C16orf96: variants seen among roughly 807,000 people sequenced by gnomAD.
The protein encoded by C16orf96 is uncharacterized protein C16orf96.
In C16orf96, 108 loss-of-function variants were observed where a neutral mutation model predicts 103.6. The ratio of observed to expected loss-of-function variants is 1.04; its 90% CI spans 0.89 to 1.22. The LOEUF is 1.22. C16orf96 is among the 50% of genes most tolerant of loss of function. The pLI is 0.00. For missense variants in C16orf96, 1,586 were observed against 1,464.2 expected (o/e 1.08, Z -1.36); for synonymous variants, 566 against 593.5 (o/e 0.95, Z 0.67).
Position 4,575,162 on chromosome 16 carries a change from C to A in C16orf96, c.694-12C>A, listed in dbSNP as rs554799912. 1.0e-5 allele frequency: 16 copies of A among 1,545,348 alleles called. No individual in the cohort carries two copies. The highest frequency in any genetic ancestry group is 9.8e-5 in the Admixed American group (5 of 50,954). The stretch of plus-strand genomic sequence containing the variant: ...GGAAGCCAGCAGAGCCCCTCTGCCC[C>A]CTCTTCTGCAGGAAATTGGTTCATC... On this transcript the variant is annotated splice_polypyrimidine_tract_variant and intron_variant, in intron 4 of 15. Transcript: ENST00000444310.
At chr16:4,571,162 A>G (rs1442370396) in intron 1 of C16orf96, among the ~76,000 whole-genome samples, 1 of 152,112 alleles carries the variant, frequency 6.6e-6, no homozygotes, top group Non-Finnish European at 1.5e-5. Flanking sequence ...CTCCAGCCTG[A>G]GCCACAGAGT....
In C16orf96 at chr16:4,598,043, G is replaced by T. The variant is rs1753059936; in HGVS notation, c.3128-1241G>T. 2.6e-5 allele frequency among the ~76,000 whole-genome samples: 4 copies of T among 151,858 alleles called. No homozygotes were observed. The South Asian group carries it at 8.3e-4, about 32-fold the overall frequency. On this transcript the variant is annotated intron_variant, in intron 14 of 15. Coordinates refer to ENST00000444310, the MANE Select transcript of C16orf96 (RefSeq NM_001145011.2). ...TTGTCACTCATTTATTTCCCCAAAA[G>T]AACTTTCTAACTCAAAACAGACTCA...
At chr16:4,540,719 T>C in the C16orf96 span, among the ~76,000 whole-genome samples, 1 of 150,430 alleles carries the variant, frequency 6.6e-6, no homozygotes, top group Non-Finnish European at 1.5e-5. Context: ...AGAGCAAAAC[T>C]CTCTCAAAAT....
At chr16:4,599,036 T>C (rs1897231928) in intron 14 of C16orf96, among the ~76,000 whole-genome samples, 1 of 151,846 alleles carries the variant, frequency 6.6e-6, no homozygotes, top group Admixed American at 6.6e-5. Flanking sequence ...GGAGGATTGC[T>C]TGAGCCCAGG....
At chr16:4,552,194 A>G (rs925287634), upstream of C16orf96, among the ~76,000 whole-genome samples, 2 of 152,054 alleles carry the variant, frequency 1.3e-5, no homozygotes, top group Non-Finnish European at 2.9e-5. Context: ...TATATCAATG[A>G]AAGTTGGCCG....
At chr16:4,545,368 A>G in the C16orf96 span, among the ~76,000 whole-genome samples, 7 of 152,126 alleles carry the variant, frequency 4.6e-5, no homozygotes, top group Admixed American at 4.6e-4. Flanking sequence ...AACCACAACC[A>G]GCTATATATA....
At chr16:4,582,742 CA>C (rs1332627274) in intron 7 of C16orf96, among the ~76,000 whole-genome samples, 2 of 152,280 alleles carry the variant, frequency 1.3e-5, no homozygotes, top group African/African-American at 4.8e-5. Flanking sequence ...CAGTTCCATT[CA>C]GCATGTCCAT....
At chr16:4,591,616 G>T in intron 9 of C16orf96, 50 bp from the exon 10 acceptor site, 2 of 1,427,590 alleles carry the variant, frequency 1.4e-6, no homozygotes, top group Non-Finnish European at 1.9e-6. Flanking sequence ...AGGAGGCAGG[G>T]TGTGAATTCA....
intron 5 of C16orf96, among the ~76,000 whole-genome samples, chr16:4,576,887 A>G (rs952247577): frequency 6.6e-6 from 1 of 152,186 alleles, no homozygotes; most frequent in South Asian, 2.1e-4. Context: ...TGGCATGCCA[A>G]AATTACTCTC....
At chr16:4,548,504 T>TGG in the C16orf96 span, among the ~76,000 whole-genome samples, 1 of 152,156 alleles carries the variant, frequency 6.6e-6, no homozygotes, top group Non-Finnish European at 1.5e-5. Flanking sequence ...CTCCCACCAG[T>TGG]GGGGGAACAC....
the C16orf96 span, among the ~76,000 whole-genome samples, chr16:4,542,535 G>A: frequency 6.6e-6 from 1 of 152,126 alleles, no homozygotes; most frequent in South Asian, 2.1e-4. Context: ...AGTGGCTCAT[G>A]CCTGTAATCC....
chr16:4,563,972 C>T (rs1406715318), intron 1 of C16orf96, among the ~76,000 whole-genome samples: 11 of 150,312 alleles, frequency 7.3e-5, no homozygotes, highest in African/African-American at 2.4e-5. Flanking sequence ...CCGAAGTGGG[C>T]GGATCACCTG....
rs371475576 is a variant in C16orf96, at chr16:4,592,298, C to T, written c.2712-7C>T. 151 of 1,551,618 alleles carry T rather than the reference C, an allele frequency of 9.7e-5. No homozygotes were observed. The African/African-American group carries it at 1.7e-3, about 18-fold the overall frequency. On this transcript the variant is annotated splice_region_variant and splice_polypyrimidine_tract_variant and intron_variant, in intron 10 of 15. Transcript: ENST00000444310. ...GGGGCAGCGGCTGATGATCATGTGC[C>T]TTTCAGGAAGCTGTTCAAGCGCGTG...
At chr16:4,594,572 TG>T in intron 13 of C16orf96, 62 bp downstream of exon 13, 1 of 1,542,662 alleles carries the variant, frequency 6.5e-7, no homozygotes, top group Non-Finnish European at 8.8e-7. Context: ...GCCCCAGGTG[TG>T]GGACCAGGCA....
chr16:4,569,553 GA>G (rs1390094053), intron 1 of C16orf96, among the ~76,000 whole-genome samples: 1 of 151,788 alleles, frequency 6.6e-6, no homozygotes, highest in African/African-American at 2.4e-5. Flanking sequence ...AGGAGTTTGA[GA>G]TCAGCCTGGC....
At chr16:4,585,087 C>A (rs548444672) in intron 7 of C16orf96, among the ~76,000 whole-genome samples, 1 of 152,186 alleles carries the variant, frequency 6.6e-6, no homozygotes, top group East Asian at 1.9e-4. Flanking sequence ...GTGGAGGTTG[C>A]AGTGAGCTGA....
chr16:4,584,599 A>G (rs769611379), intron 7 of C16orf96, among the ~76,000 whole-genome samples: 2 of 151,786 alleles, frequency 1.3e-5, no homozygotes, highest in Non-Finnish European at 2.9e-5. Context: ...CAATGGCGCA[A>G]TCTTGGCTTA....
At chr16:4,586,883 C>A (rs1247556712) in intron 7 of C16orf96, among the ~76,000 whole-genome samples, 156 bp from the exon 8 acceptor site, 1 of 152,174 alleles carries the variant, frequency 6.6e-6, no homozygotes, top group Non-Finnish European at 1.5e-5. Context: ...ACCTGGAGCC[C>A]TTGAGCCTGA....
chr16:4,550,172 CCT>C, the C16orf96 span, among the ~76,000 whole-genome samples: 1 of 151,594 alleles, frequency 6.6e-6, no homozygotes, highest in Non-Finnish European at 1.5e-5. Flanking sequence ...GCAACCTCTG[CCT>C]CTCGGGCTCA....
Sources: allele counts gnomAD v4.1 joint callset (sites outside exome capture counted in the v4.1 genomes callset), GRCh38; gene constraint gnomAD v4.1.1; transcripts MANE v1.5; gene names NCBI Gene and HGNC (gene_info 2026-07-23, HGNC 2026-07-21).